Variants in CEP350 observed in about 807,000 individuals in gnomAD.
CEP350 encodes centrosome-associated protein 350.
Under a neutral mutation model 331.8 loss-of-function variants are expected in CEP350, and 126 were observed. The ratio of observed to expected loss-of-function variants is 0.38; its 90% CI spans 0.33 to 0.44. The LOEUF (loss-of-function observed/expected upper bound fraction) is 0.44, where lower values mean the gene tolerates loss of function less well. Ranked by LOEUF, CEP350 falls within the 20% of genes least tolerant of loss-of-function variation. The pLI is 1.00. For missense variants in CEP350, 3,406 were observed against 3,634.6 expected (o/e 0.94, Z 1.62); for synonymous variants, 1,200 against 1,259.5 (o/e 0.95, Z 1.00).
intron 1 of CEP350, among the ~76,000 whole-genome samples, chr1:179,970,927 G>A (rs1395848467): frequency 2.0e-5 from 3 of 151,962 alleles, no homozygotes; most frequent in Non-Finnish European, 4.4e-5. Flanking sequence ...GGATTTATCT[G>A]TTGATGTTTA....
At chr1:180,033,358 A>G (rs1656142960) in intron 15 of CEP350, among the ~76,000 whole-genome samples, 1 of 152,174 alleles carries the variant, frequency 6.6e-6, no homozygotes, top group Non-Finnish European at 1.5e-5. Context: ...GTATTTAGAG[A>G]TGAATAGTGT....
rs1660336809 is a variant in CEP350 at position 180,093,967 on chromosome 1, A to G, written c.7862A>G (p.Asn2621Ser). 6.2e-7 allele frequency: 1 copy of G among 1,613,906 alleles called. No homozygotes were observed. The highest frequency in any genetic ancestry group is 8.5e-7 in the Non-Finnish European group (1 of 1,179,842). ...TATGAGAAATCCCTACCTAGTGTGA[A>G]TGATATAGAAGCCTCAGTTAATAGA... ...YFYEKSLPSV[N>S]DIEASVNRSR... Residue 2621 changes from asparagine to serine, a missense_variant, in exon 34 of 38, where the codon AAT becomes AGT. Asn to Ser is a conservative substitution (Grantham distance 46). Around this residue, in one of 5 missense-constraint regions of CEP350, gnomAD observed 1,415 missense variants for 1,512.3 expected, o/e 0.94. Transcript: ENST00000367607.
Position 180,048,660 on chromosome 1 carries a change from G to A in CEP350, c.4747G>A (p.Asp1583Asn), listed in dbSNP as rs1014505972. Residue 1583 changes from aspartate to asparagine, a missense_variant, in exon 22 of 38, where the codon GAT becomes AAT. Transcript: ENST00000367607. ...IDEQVQTAAD[D>N]SLRSDSVPSL... ...TGAACAGGTTCAGACTGCTGCAGAT[G>A]ATTCTCTACGAAGTGATAGTGTTCC... 2 of 1,612,580 alleles carry A rather than the reference G, an allele frequency of 1.2e-6. No individual in the cohort carries two copies. Among genetic ancestry groups the A allele is most frequent in the Non-Finnish European group, 1.7e-6 (2 of 1,179,166 alleles).
intron 21 of CEP350, 35 bp from the exon 22 acceptor site, chr1:180,048,501 T>C: frequency 6.8e-7 from 1 of 1,478,114 alleles, no homozygotes; most frequent in Non-Finnish European, 9.3e-7. Context: ...ATTTTGTTAA[T>C]TTTGTTGTTG....
At chr1:179,997,459 T>C (rs1309197806) in intron 6 of CEP350, among the ~76,000 whole-genome samples, 1 of 149,786 alleles carries the variant, frequency 6.7e-6, no homozygotes, top group Non-Finnish European at 1.5e-5. Flanking sequence ...AGGAGAATGG[T>C]GTGAACCCGG....
intron 11 of CEP350, among the ~76,000 whole-genome samples, chr1:180,016,568 T>C (rs1654987684): frequency 6.6e-6 from 1 of 152,162 alleles, no homozygotes; most frequent in Non-Finnish European, 1.5e-5. Context: ...AATTATACTT[T>C]GTAATAATAA....
In CEP350 at chr1:180,111,138, CAG is replaced by C; in HGVS notation, c.9332_9333del (p.Gln3111ArgfsTer12). On this transcript the variant is annotated frameshift_variant, in exon 38 of 38. Coordinates refer to ENST00000367607, the MANE Select transcript of CEP350 (RefSeq NM_014810.5). LOFTEE classifies it high-confidence loss of function. Reference sequence around the variant, plus strand: ...TGTTCTGAATCAGATCAGTGAAAAGCAGGGGAGAATGCTACTTGTGTGACATC... The same window carrying C: ...TGTTCTGAATCAGATCAGTGAAAAGCGGGAGAATGCTACTTGTGTGACATC... ...IDVLNQISEK[Q>X]GRMLLV 3.7e-6 allele frequency: 6 copies of C among 1,613,934 alleles called. No individual in the cohort carries two copies. Among genetic ancestry groups the C allele is most frequent in the Non-Finnish European group, 5.1e-6 (6 of 1,179,860 alleles).
chr1:180,107,053 C>G (rs1661186068), intron 37 of CEP350, among the ~76,000 whole-genome samples: 1 of 152,058 alleles, frequency 6.6e-6, no homozygotes, highest in Non-Finnish European at 1.5e-5. Context: ...ATTGATGTAC[C>G]TGCCTTCATC....
intron 26 of CEP350, 49 bp from the exon 27 acceptor site, chr1:180,065,066 T>G (rs1658465850): frequency 1.3e-6 from 2 of 1,520,042 alleles, no homozygotes; most frequent in Admixed American, 2.5e-5. Flanking sequence ...TATGATGGCT[T>G]CAAGGTCCTA....
intron 1 of CEP350, among the ~76,000 whole-genome samples, chr1:179,976,207 T>C (rs1387098828): frequency 1.3e-5 from 2 of 149,182 alleles, no homozygotes; most frequent in Non-Finnish European, 3.0e-5. Flanking sequence ...TCTAAGACTT[T>C]CATAAGAATA....
In CEP350 at chr1:180,111,799, T is replaced by C. The variant is rs1661477429; in HGVS notation, c.*638T>C. ...CACCATCTAAAGAATTTTAAACCTC[T>C]GCATTATGTTTAGTGTTCTCTGTGT... is the stretch of plus-strand genomic sequence containing the variant. On this transcript the variant is annotated 3_prime_UTR_variant, in exon 38 of 38. Transcript: ENST00000367607. The C allele has an allele frequency of 6.6e-6, 1 of 152,662 alleles. No homozygotes were observed. Among genetic ancestry groups the C allele is most frequent in the Non-Finnish European group, 1.5e-5 (1 of 68,046 alleles). The allele number at this position is 152,662 out of a possible 1,614,324, so 9.5% of individuals were successfully genotyped here.
At chr1:180,010,864 C>T (rs1654607469) in intron 8 of CEP350, among the ~76,000 whole-genome samples, 1 of 152,150 alleles carries the variant, frequency 6.6e-6, no homozygotes, top group South Asian at 2.1e-4. Flanking sequence ...CCTGCCTCAG[C>T]CTCTCAAAGT....
At chr1:179,956,520 GCAAT>G (rs1650182693) in intron 1 of CEP350, among the ~76,000 whole-genome samples, 1 of 152,128 alleles carries the variant, frequency 6.6e-6, no homozygotes, top group African/African-American at 2.4e-5. Context: ...CTTCTGTGGG[GCAAT>G]CAATTTATGA....
chr1:180,062,259 C>A lies in CEP350; in HGVS notation c.5302C>A (p.Arg1768=). Reference sequence around the variant, plus strand: ...TCTTCAAGAAGCCAATAAGGCAGCTCGGAAGGAAAGACAGCTGATTCTTAA... The same window carrying A: ...TCTTCAAGAAGCCAATAAGGCAGCTAGGAAGGAAAGACAGCTGATTCTTAA... The part of the protein sequence containing the change: ...KRLQEANKAA[R]KERQLILKQQ... The change falls in exon 26 of 38, where the codon CGG becomes AGG. Residue 1768 remains arginine, a synonymous_variant. Coordinates refer to ENST00000367607, the MANE Select transcript of CEP350 (RefSeq NM_014810.5). 1 of 1,609,474 alleles carries A rather than the reference C, an allele frequency of 6.2e-7. No individual in the cohort carries two copies. The highest frequency in any genetic ancestry group is 8.5e-7 in the Non-Finnish European group (1 of 1,177,788).
chr1:179,979,796 G>A (rs1453678953), intron 1 of CEP350, among the ~76,000 whole-genome samples: 1 of 151,984 alleles, frequency 6.6e-6, no homozygotes, highest in Non-Finnish European at 1.5e-5. Context: ...ACTATTTATT[G>A]AAGAGACTAT....
intron 2 of CEP350, among the ~76,000 whole-genome samples, chr1:179,986,793 G>C (rs573408277): frequency 2.6e-5 from 4 of 152,272 alleles, no homozygotes; most frequent in African/African-American, 9.6e-5. Context: ...TAAACTATTT[G>C]AAGGGTTGTT....
At chr1:180,080,304 A>C (rs769506937) in intron 29 of CEP350, among the ~76,000 whole-genome samples, 2 of 152,226 alleles carry the variant, frequency 1.3e-5, no homozygotes, top group Non-Finnish European at 2.9e-5. Flanking sequence ...CTTCAAAAAA[A>C]AATGAGGTCT....
chr1:180,058,494 C>G (rs1338767308), intron 25 of CEP350, among the ~76,000 whole-genome samples: 1 of 152,134 alleles, frequency 6.6e-6, no homozygotes, highest in Admixed American at 6.5e-5. Context: ...AGTATATGTT[C>G]TGTGGAACCA....
intron 1 of CEP350, among the ~76,000 whole-genome samples, chr1:179,978,022 C>T (rs959998817): frequency 2.6e-5 from 4 of 151,376 alleles, no homozygotes; most frequent in Admixed American, 6.6e-5. Context: ...CAGGAGCACA[C>T]TCTATAATAA....
Sources: gnomAD v4.1 joint callset for allele counts (sites outside exome capture counted in the v4.1 genomes callset) on GRCh38, gnomAD v4.1.1 for gene constraint, gnomAD v4.1.1 regional missense constraint, MANE v1.5 for transcripts, NCBI Gene and HGNC (gene_info 2026-07-23, HGNC 2026-07-21) for gene names.